CNTN4: variants seen among roughly 807,000 people sequenced by gnomAD.
CNTN4 encodes contactin 4, also known as contactin-4.
CNTN4 carries 77 observed loss-of-function variants against 122.5 expected under a neutral mutation model. The observed-to-expected ratio is 0.63, with a 90% CI of 0.52 to 0.76. The LOEUF (loss-of-function observed/expected upper bound fraction) is 0.76. CNTN4 is among the 30% of genes least tolerant of loss of function. CNTN4 has a pLI of 0.00. For synonymous variants in CNTN4, 512 were observed against 447.0 expected (o/e 1.15, Z -1.83); for missense variants, 1,256 against 1,259.1 (o/e 1.00, Z 0.04).
intron 7 of CNTN4, among the ~76,000 whole-genome samples, chr3:2,824,602 C>A (rs962097714): frequency 6.6e-6 from 1 of 152,220 alleles, no homozygotes; most frequent in African/African-American, 2.4e-5. Context: ...TCGATTTCCA[C>A]ATCACTCAAG....
At chr3:2,677,686 C>T (rs1184686833) in intron 4 of CNTN4, among the ~76,000 whole-genome samples, 1 of 151,954 alleles carries the variant, frequency 6.6e-6, no homozygotes, top group African/African-American at 2.4e-5. Context: ...ACTTCAAATT[C>T]CCAGCAGATG....
Position 2,177,317 on chromosome 3 carries a change from C to T in CNTN4, c.-145+76678C>T, listed in dbSNP as rs7644734. Among the ~76,000 whole-genome samples the T allele has an allele frequency of 3.6e-3, 542 of 152,098 alleles. 2 individuals are homozygous for T. The highest frequency in any genetic ancestry group is 5.3e-3 in the Non-Finnish European group (363 of 67,986). Reference sequence around the variant, plus strand: ...TATTTTATTGATTTGGGAAGGTTAGCGATTAAATATTGTTAATAACATTCT... The same window carrying T: ...TATTTTATTGATTTGGGAAGGTTAGTGATTAAATATTGTTAATAACATTCT... On this transcript the variant is annotated intron_variant, in intron 2 of 24. Coordinates refer to ENST00000418658, the MANE Select transcript of CNTN4 (RefSeq NM_175607.3).
intron 6 of CNTN4, among the ~76,000 whole-genome samples, chr3:2,755,605 A>C (rs1332925877): frequency 3.3e-5 from 5 of 152,210 alleles, no homozygotes; most frequent in Admixed American, 6.5e-5. Flanking sequence ...GAGCTATTAA[A>C]GTACAGATGC....
At chr3:2,621,287 A>G (rs955052423) in intron 4 of CNTN4, among the ~76,000 whole-genome samples, 2 of 152,200 alleles carry the variant, frequency 1.3e-5, no homozygotes, top group African/African-American at 2.4e-5. Flanking sequence ...TGTTCTGCCT[A>G]TGCTCCTTTC....
Position 2,470,096 on chromosome 3 carries a change from C to T in CNTN4, c.-88-101320C>T, listed in dbSNP as rs185153356. Among the ~76,000 whole-genome samples, 733 of 150,182 alleles carry T rather than the reference C, an allele frequency of 4.9e-3. 2 individuals carry two copies. The highest frequency in any genetic ancestry group is 6.9e-3 in the Non-Finnish European group (468 of 67,706). ...TTTTTTTTTTTTGGAGACAGGGTCT[C>T]GCTCTCTCGCCCAGGCTGGAGTGCA... On this transcript the variant is annotated intron_variant, in intron 3 of 24. Coordinates refer to ENST00000418658, the MANE Select transcript of CNTN4 (RefSeq NM_175607.3).
chr3:2,142,562 C>T (rs2727919), intron 2 of CNTN4, among the ~76,000 whole-genome samples: 41,881 of 151,940 alleles, frequency 0.28, 6,394 homozygotes, highest in South Asian at 0.48. Flanking sequence ...GGGCTGGTCT[C>T]GACGTCCTGA....
At chr3:2,553,810 T>G (rs919393453) in intron 3 of CNTN4, among the ~76,000 whole-genome samples, 1 of 152,196 alleles carries the variant, frequency 6.6e-6, no homozygotes, top group East Asian at 1.9e-4. Context: ...CATTTCACTC[T>G]TTTCTATTAA....
intron 4 of CNTN4, among the ~76,000 whole-genome samples, chr3:2,693,044 C>T (rs1002827081): frequency 7.2e-5 from 11 of 152,084 alleles, no homozygotes; most frequent in African/African-American, 2.4e-4. Flanking sequence ...TTTATTATAA[C>T]CAGCTATCCA....
intron 4 of CNTN4, among the ~76,000 whole-genome samples, chr3:2,734,005 T>G (rs2149477828): frequency 6.6e-6 from 1 of 152,294 alleles, no homozygotes. Flanking sequence ...AATGTGTAGG[T>G]ACATGTGTGT....
chr3:2,472,560 A>G (rs183650652), intron 3 of CNTN4, among the ~76,000 whole-genome samples: 2 of 152,130 alleles, frequency 1.3e-5, no homozygotes, highest in Admixed American at 6.5e-5. Context: ...TTTTACTTAC[A>G]TGGTAAGCAA....
At chr3:2,165,688 G>T (rs2036163691) in intron 2 of CNTN4, among the ~76,000 whole-genome samples, 1 of 151,954 alleles carries the variant, frequency 6.6e-6, no homozygotes, top group Non-Finnish European at 1.5e-5. Flanking sequence ...AAACCTCCCT[G>T]TTACCCCCAC....
chr3:2,130,977 G>C (rs1379320727), intron 2 of CNTN4, among the ~76,000 whole-genome samples: 1 of 152,148 alleles, frequency 6.6e-6, no homozygotes, highest in African/African-American at 2.4e-5. Flanking sequence ...CTGACAGTGT[G>C]TTTGGTTTTC....
At chr3:2,805,872 A>G (rs2092454843) in intron 6 of CNTN4, among the ~76,000 whole-genome samples, 1 of 151,664 alleles carries the variant, frequency 6.6e-6, no homozygotes, top group African/African-American at 2.4e-5. Context: ...TGTTTTTTCT[A>G]CTCTCATAAC....
chr3:3,037,844 C>T (rs921220682), intron 18 of CNTN4, among the ~76,000 whole-genome samples: 2 of 152,194 alleles, frequency 1.3e-5, no homozygotes, highest in African/African-American at 2.4e-5. Flanking sequence ...CGTGCTCATT[C>T]GAACAAGACC....
intron 2 of CNTN4, among the ~76,000 whole-genome samples, chr3:2,315,209 A>G (rs754073887): frequency 1.7e-4 from 26 of 150,610 alleles, no homozygotes; most frequent in Non-Finnish European, 3.4e-4. Context: ...AATCAGCTCC[A>G]TTTTTTTTTT....
At chr3:2,845,965 A>G (rs915536790) in intron 7 of CNTN4, among the ~76,000 whole-genome samples, 1 of 152,246 alleles carries the variant, frequency 6.6e-6, no homozygotes, top group Admixed American at 6.5e-5. Flanking sequence ...AATTATTATG[A>G]CAGTGTGATC....
At chr3:2,818,512 TC>T (rs2092791285) in intron 6 of CNTN4, among the ~76,000 whole-genome samples, 1 of 152,060 alleles carries the variant, frequency 6.6e-6, no homozygotes, top group Non-Finnish European at 1.5e-5. Flanking sequence ...GAATTGGAAG[TC>T]CCCGAATCCA....
intron 2 of CNTN4, among the ~76,000 whole-genome samples, chr3:2,203,063 A>C (rs1197627150): frequency 6.6e-6 from 1 of 151,000 alleles, no homozygotes; most frequent in Non-Finnish European, 1.5e-5. Flanking sequence ...TGAACTCCTG[A>C]CCTCAAGTTG....
intron 12 of CNTN4, among the ~76,000 whole-genome samples, chr3:2,925,358 A>T (rs1384378624): frequency 6.6e-6 from 1 of 152,118 alleles, no homozygotes; most frequent in Non-Finnish European, 1.5e-5. Flanking sequence ...GCTCGAGACC[A>T]TCCTGGCCAA....
Sources: gnomAD v4.1 joint callset for allele counts (sites outside exome capture counted in the v4.1 genomes callset) on GRCh38, gnomAD v4.1.1 for gene constraint, MANE v1.5 for transcripts, NCBI Gene and HGNC (gene_info 2026-07-23, HGNC 2026-07-21) for gene names.